The following CNBD1 variants were observed in gnomAD, a reference collection of about 807,000 sequenced individuals.
CNBD1 encodes the protein cyclic nucleotide-binding domain-containing protein 1.
Under a neutral mutation model 54.4 loss-of-function variants are expected in CNBD1, and 71 were observed. That is an observed-to-expected ratio of 1.30 (90% CI 1.08 to 1.59). The LOEUF is 1.59. Ranked by LOEUF, CNBD1 falls within the 40% of genes most tolerant of loss-of-function variation. The pLI is 0.00. For missense variants in CNBD1, 659 were observed against 518.0 expected (o/e 1.27, Z -2.64); for synonymous variants, 182 against 170.7 (o/e 1.07, Z -0.51).
At chr8:87,338,675 G>T (rs777694755) in intron 8 of CNBD1, among the ~76,000 whole-genome samples, 3 of 150,202 alleles carry the variant, frequency 2.0e-5, no homozygotes, top group Admixed American at 6.6e-5. Context: ...TTGTTATTTG[G>T]TAGGTTGGGT....
chr8:87,247,052 G>T (rs1333711985), intron 6 of CNBD1, among the ~76,000 whole-genome samples: 4 of 152,010 alleles, frequency 2.6e-5, no homozygotes, highest in Admixed American at 2.6e-4. Context: ...AGAAAACTCT[G>T]CTTCACAAAG....
At chr8:87,143,033 C>A (rs1212591274) in intron 4 of CNBD1, among the ~76,000 whole-genome samples, 1 of 151,980 alleles carries the variant, frequency 6.6e-6, no homozygotes, top group African/African-American at 2.4e-5. Flanking sequence ...AATAATTAAT[C>A]ACTTACAAGT....
chr8:87,303,389 G>T (rs2130884307), intron 8 of CNBD1, among the ~76,000 whole-genome samples: 1 of 151,990 alleles, frequency 6.6e-6, no homozygotes, highest in African/African-American at 2.4e-5. Flanking sequence ...AATGGGGAAA[G>T]GATTCCCTAT....
chr8:86,991,565 G>C (rs919797099), intron 4 of CNBD1, among the ~76,000 whole-genome samples: 2 of 151,876 alleles, frequency 1.3e-5, no homozygotes, highest in African/African-American at 4.8e-5. Flanking sequence ...CTTTGGAATT[G>C]GTCTACTATT....
chr8:86,907,700 C>A lies in CNBD1; in HGVS notation c.272+2506C>A, dbSNP rs547856021. 4.7e-3 allele frequency among the ~76,000 whole-genome samples: 718 copies of A among 151,232 alleles called. 10 individuals carry two copies. The highest frequency in any genetic ancestry group is 0.015 in the African/African-American group (609 of 41,262). ...ACAAAAACAAAAAAACAAAAAAAAA[C>A]CCCTTAAACTGAATTAAATAGAATT... On this transcript the variant is annotated intron_variant, in intron 3 of 10. Transcript: ENST00000518476.
intron 4 of CNBD1, among the ~76,000 whole-genome samples, chr8:87,134,592 A>AT: frequency 8.1e-6 from 1 of 123,318 alleles, no homozygotes; most frequent in South Asian, 2.5e-4. Context: ...TAATTAGATT[A>AT]CCTTTTTTTT....
At chr8:86,976,410 G>A (rs183294672) in intron 4 of CNBD1, among the ~76,000 whole-genome samples, 57 of 151,676 alleles carry the variant, frequency 3.8e-4, no homozygotes, top group Non-Finnish European at 6.5e-4. Flanking sequence ...TTCATATAAG[G>A]GATGAGATAA....
intron 1 of CNBD1, among the ~76,000 whole-genome samples, chr8:86,870,743 A>C (rs1211695209): frequency 6.6e-6 from 1 of 152,176 alleles, no homozygotes; most frequent in Non-Finnish European, 1.5e-5. Context: ...GAAAAAAAGG[A>C]GGCTTGTCAG....
intron 8 of CNBD1, among the ~76,000 whole-genome samples, chr8:87,291,002 A>G (rs1421169827): frequency 6.6e-6 from 1 of 152,180 alleles, no homozygotes; most frequent in East Asian, 1.9e-4. Context: ...ATTTATTACT[A>G]ATCTCTCTGT....
At chr8:87,345,838 T>C (rs1426113127) in intron 8 of CNBD1, among the ~76,000 whole-genome samples, 1 of 152,048 alleles carries the variant, frequency 6.6e-6, no homozygotes, top group African/African-American at 2.4e-5. Flanking sequence ...AGTAATTAAG[T>C]CTGTTGACTA....
chr8:87,267,825 AG>A (rs67037429), intron 6 of CNBD1, among the ~76,000 whole-genome samples: 48,712 of 152,034 alleles, frequency 0.32, 8,574 homozygotes, highest in Non-Finnish European at 0.4. Context: ...TGATTATAAA[AG>A]TAGAGCATAT....
rs116053721 is a variant in CNBD1, at chr8:87,355,079, T to A, written c.1303+1293T>A. Among the ~76,000 whole-genome samples the A allele has an allele frequency of 7.1e-3, 1,086 of 152,082 alleles. 12 individuals are homozygous for A. The highest frequency in any genetic ancestry group is 0.025 in the African/African-American group (1,028 of 41,486). ...GAACACTTTTACACTGCTGGATGAG[T>A]TTTTTAAAAGAGTAGAGATATTTCA... is the stretch of plus-strand genomic sequence containing the variant. On this transcript the variant is annotated intron_variant, in intron 10 of 10. Transcript: ENST00000518476.
intron 3 of CNBD1, among the ~76,000 whole-genome samples, chr8:86,916,203 G>A (rs962857855): frequency 1.3e-5 from 2 of 152,150 alleles, no homozygotes; most frequent in South Asian, 2.1e-4. Flanking sequence ...GAGGCAGAAG[G>A]AGAGACTGAG....
At position 86,923,497 on chromosome 8, in the gene CNBD1, C is replaced by G. The variant is rs186041041; in HGVS notation, c.273-16099C>G. ...AGCTGGTGTTAATTGGTCTTAGGGT[C>G]CCTGCCCCTAGACCCAGGTGTTTTC... On this transcript the variant is annotated intron_variant, in intron 3 of 10. Coordinates refer to ENST00000518476, the MANE Select transcript of CNBD1 (RefSeq NM_173538.3). Among the ~76,000 whole-genome samples the G allele has an allele frequency of 2.3e-3, 354 of 152,200 alleles. 2 individuals are homozygous for G. Among genetic ancestry groups the G allele is most frequent in the African/African-American group, 8.2e-3 (342 of 41,534 alleles).
chr8:87,343,327 T>A (rs532076810), intron 8 of CNBD1, among the ~76,000 whole-genome samples: 30 of 152,152 alleles, frequency 2.0e-4, no homozygotes, highest in Non-Finnish European at 2.4e-4. Context: ...GTTAACACAA[T>A]CATCACAGGG....
intron 6 of CNBD1, among the ~76,000 whole-genome samples, chr8:87,256,458 A>G (rs1252601581): frequency 6.6e-6 from 1 of 152,070 alleles, no homozygotes; most frequent in African/African-American, 2.4e-5. Context: ...TTGCCTAGCT[A>G]TGGGAACCTG....
intron 3 of CNBD1, among the ~76,000 whole-genome samples, chr8:86,914,414 G>A (rs185600087): frequency 5.9e-5 from 9 of 152,206 alleles, no homozygotes; most frequent in South Asian, 2.1e-4. Context: ...CAGGTTTGTC[G>A]CCTAGAAGCC....
At chr8:87,018,754 T>C (rs1386235161) in intron 4 of CNBD1, among the ~76,000 whole-genome samples, 2 of 152,184 alleles carry the variant, frequency 1.3e-5, no homozygotes, top group Admixed American at 6.5e-5. Context: ...GCTAAAACTA[T>C]ACAAGCCGCC....
intron 5 of CNBD1, among the ~76,000 whole-genome samples, chr8:87,224,389 G>A (rs2130812256): frequency 6.6e-6 from 1 of 151,796 alleles, no homozygotes; most frequent in South Asian, 2.1e-4. Context: ...TAATGTTTAA[G>A]TCTTTAATCC....
Sources: allele counts gnomAD v4.1 joint callset (sites outside exome capture counted in the v4.1 genomes callset), GRCh38; gene constraint gnomAD v4.1.1; transcripts MANE v1.5; gene names NCBI Gene and HGNC (gene_info 2026-07-23, HGNC 2026-07-21).